The following FLRT1 variants were observed in gnomAD, a reference collection of about 807,000 sequenced individuals.
FLRT1 encodes fibronectin leucine rich transmembrane protein 1.
A neutral mutation model predicts 30.9 loss-of-function variants in FLRT1; 14 were observed. That is an observed-to-expected ratio of 0.45 (90% CI 0.30 to 0.71). The LOEUF is 0.71. Ranked by LOEUF, FLRT1 falls within the 30% of genes least tolerant of loss-of-function variation. The pLI is 0.08. For missense variants in FLRT1, 737 were observed against 949.2 expected (o/e 0.78, Z 2.94); for synonymous variants, 368 against 430.4 (o/e 0.85, Z 1.80).
chr11:64,083,806 C>G (rs1383685491), intron 1 of FLRT1, among the ~76,000 whole-genome samples: 1 of 152,154 alleles, frequency 6.6e-6, no homozygotes, highest in Non-Finnish European at 1.5e-5. Context: ...GGTGAGTCAG[C>G]AGGGGTTGGC....
chr11:64,094,467 A>G (rs2134534914), intron 1 of FLRT1, among the ~76,000 whole-genome samples: 1 of 151,910 alleles, frequency 6.6e-6, no homozygotes, highest in East Asian at 1.9e-4. Flanking sequence ...AAAGTTAAGC[A>G]GGCTGGGGAC....
At chr11:64,073,188 G>T (rs1317436287) in intron 1 of FLRT1, among the ~76,000 whole-genome samples, 1 of 152,240 alleles carries the variant, frequency 6.6e-6, no homozygotes, top group Non-Finnish European at 1.5e-5. Flanking sequence ...AGGGCTGCCT[G>T]CTTCTGCCTA....
chr11:64,092,010 T>TC lies in FLRT1; in HGVS notation c.-1037-11180dup, dbSNP rs1272444507. Among the ~76,000 whole-genome samples, 3 of 152,232 alleles carry TC rather than the reference T, an allele frequency of 2.0e-5. No homozygotes were observed. In the East Asian group the frequency reaches 5.8e-4, roughly 29 times the overall value. Reference sequence around the variant, plus strand: ...GGACAGCGGGGCTGCCGGCCCTCTATCCCCACGTGATCTCAGCTCCTGAGG... The same window carrying TC: ...GGACAGCGGGGCTGCCGGCCCTCTATCCCCCACGTGATCTCAGCTCCTGAGG... On this transcript the variant is annotated intron_variant, in intron 1 of 2. Coordinates refer to ENST00000682287, the MANE Select transcript of FLRT1 (RefSeq NM_013280.5).
chr11:64,064,843 CTCATTCAT>C lies in FLRT1; in HGVS notation c.-1038+28710_-1038+28717del, dbSNP rs71045731. Among the ~76,000 whole-genome samples the C allele has an allele frequency of 1.2e-3, 185 of 150,446 alleles. No homozygotes were observed. The highest frequency in any genetic ancestry group is 6.3e-3 in the Admixed American group (95 of 15,114). On this transcript the variant is annotated intron_variant, in intron 1 of 2. Coordinates refer to ENST00000682287, the MANE Select transcript of FLRT1 (RefSeq NM_013280.5). This position sits in a 1 kb window ranked among gnomAD's most constrained non-coding sequence, Gnocchi z 4.5. ...CAAGAGGCTAGAGTTTCACAAGGAC[CTCATTCAT>C]TCATTCATTCATTCATTCATTCATT...
chr11:64,118,058 G>A lies in FLRT1; in HGVS notation c.1791G>A (p.Lys597=), dbSNP rs779193903. The A allele has an allele frequency of 8.1e-6, 13 of 1,613,530 alleles. No individual in the cohort carries two copies. Among genetic ancestry groups the A allele is most frequent in the Admixed American group, 1.7e-5 (1 of 60,012 alleles). ...ERAYNRGSRK[K]DDYMESGTKK... ...CCTACAACCGGGGCAGCAGGAAAAAGGATGACTATATGGAGTCAGGGACCA... is the reference window on the plus strand; with the variant it reads ...CCTACAACCGGGGCAGCAGGAAAAAAGATGACTATATGGAGTCAGGGACCA... Residue 597 remains lysine, a synonymous_variant, in exon 3 of 3, where the codon AAG becomes AAA. Coordinates refer to ENST00000682287, the MANE Select transcript of FLRT1 (RefSeq NM_013280.5).
rs556164889 is a variant in FLRT1 at position 64,067,365 on chromosome 11, C to A, written c.-1038+31206C>A. On this transcript the variant is annotated intron_variant, in intron 1 of 2. Coordinates refer to ENST00000682287, the MANE Select transcript of FLRT1 (RefSeq NM_013280.5). This position sits in a 1 kb window ranked among gnomAD's most constrained non-coding sequence, Gnocchi z 4.6. The stretch of plus-strand genomic sequence containing the variant: ...GGGAATCCATTATCGGGCAAAATAG[C>A]AGCTGCTGACGTGAAAATGAAATAT... 8.5e-5 allele frequency among the ~76,000 whole-genome samples: 13 copies of A among 152,302 alleles called. No homozygotes were observed. In the South Asian group the frequency reaches 2.7e-3, roughly 32 times the overall value.
chr11:64,054,545 G>A (rs1241124906), intron 1 of FLRT1, among the ~76,000 whole-genome samples: 1 of 152,108 alleles, frequency 6.6e-6, no homozygotes, highest in Non-Finnish European at 1.5e-5. Context: ...CTGATGGGGT[G>A]CAGAGTGGCA....
intron 2 of FLRT1, among the ~76,000 whole-genome samples, chr11:64,109,055 C>G (rs564814765): frequency 6.6e-6 from 1 of 152,158 alleles, no homozygotes; most frequent in Non-Finnish European, 1.5e-5. Context: ...ACATGCAGGA[C>G]ACTTCCTCTC....
intron 1 of FLRT1, among the ~76,000 whole-genome samples, chr11:64,077,331 G>C (rs988455037): frequency 2.0e-5 from 3 of 152,320 alleles, no homozygotes; most frequent in African/African-American, 7.2e-5. Context: ...ATCTCTCAGG[G>C]GCTGTGCTTC....
rs557186525 is a variant in FLRT1, at chr11:64,061,492, C to T, written c.-1038+25333C>T. Among the ~76,000 whole-genome samples the T allele has an allele frequency of 2.6e-5, 4 of 152,288 alleles. No homozygotes were observed. In the South Asian group the frequency reaches 8.3e-4, roughly 32 times the overall value. The stretch of plus-strand genomic sequence containing the variant: ...AGTCCCCTGCCTCTGACCCCGCAGT[C>T]CCCAGGCAGCTCCTCCCCGGCTCTG... On this transcript the variant is annotated intron_variant, in intron 1 of 2. Transcript: ENST00000682287.
chr11:64,097,648 AG>A (rs1381069347), intron 1 of FLRT1, among the ~76,000 whole-genome samples: 1 of 152,212 alleles, frequency 6.6e-6, no homozygotes, highest in Non-Finnish European at 1.5e-5. Context: ...GGAGGCTGGG[AG>A]GGTTCGCACC....
intron 1 of FLRT1, among the ~76,000 whole-genome samples, chr11:64,046,405 CCT>C (rs1353810858): frequency 6.6e-6 from 1 of 152,130 alleles, no homozygotes; most frequent in Non-Finnish European, 1.5e-5. Context: ...CAAAGTGTCC[CCT>C]GTGCTGGGGT....
rs533890915 is a variant in FLRT1, at chr11:64,046,742, G to A, written c.-1038+10583G>A. Among the ~76,000 whole-genome samples the A allele has an allele frequency of 7.9e-5, 12 of 152,030 alleles. No individual in the cohort carries two copies. In the South Asian group the frequency reaches 1.9e-3, roughly 24 times the overall value. On this transcript the variant is annotated intron_variant, in intron 1 of 2. Transcript: ENST00000682287. ...TTGAACTCCTGACCTTGAGTAATCC[G>A]CCTGCCTCAACGTCCCAAAGTGCTG...
chr11:64,057,526 C>T (rs1238641366), intron 1 of FLRT1, among the ~76,000 whole-genome samples: 2 of 152,238 alleles, frequency 1.3e-5, no homozygotes, highest in Non-Finnish European at 2.9e-5. Flanking sequence ...CTCTCCAGGC[C>T]AAACAGCTGC....
In FLRT1 at chr11:64,047,423, G is replaced by A. The variant is rs72916401; in HGVS notation, c.-1038+11264G>A. Among the ~76,000 whole-genome samples, 1,176 of 152,264 alleles carry A rather than the reference G, an allele frequency of 7.7e-3. 9 individuals carry two copies. Among genetic ancestry groups the A allele is most frequent in the Non-Finnish European group, 0.012 (846 of 68,022 alleles). The stretch of plus-strand genomic sequence containing the variant: ...AGATAAAGCCAGGTCCATGCCATGG[G>A]GTCCCTGTCCTGTTCCGTTTCACCC... On this transcript the variant is annotated intron_variant, in intron 1 of 2. Coordinates refer to ENST00000682287, the MANE Select transcript of FLRT1 (RefSeq NM_013280.5).
Position 64,117,833 on chromosome 11 carries a change from C to T in FLRT1, c.1566C>T (p.Pro522=), listed in dbSNP as rs3824854. ...ATGCCTACGTAGCTGATGAGACACC[C>T]GTGTGTGCCAAGGCAGAGACAGCCG... ...TSNAYVADET[P]VCAKAETADS... Residue 522 remains proline, a synonymous_variant, in exon 3 of 3, where the codon CCC becomes CCT. Coordinates refer to ENST00000682287, the MANE Select transcript of FLRT1 (RefSeq NM_013280.5). 0.17 allele frequency: 274,549 copies of T among 1,614,046 alleles called. 24,741 individuals are homozygous for T. The highest frequency in any genetic ancestry group is 0.29 in the Admixed American group (17,693 of 60,010).
rs1943382629 is a variant in FLRT1 at position 64,036,467 on chromosome 11, T to C, written c.-1038+308T>C. Among the ~76,000 whole-genome samples the C allele has an allele frequency of 6.6e-6, 1 of 151,240 alleles. No individual in the cohort carries two copies. The highest frequency in any genetic ancestry group is 2.4e-5 in the African/African-American group (1 of 41,158). ...AAGGGCGGGGGCTCAGCTGGAGCTC[T>C]AGTCCAAGCCCTCGCTGCACCCCCC... is the stretch of plus-strand genomic sequence containing the variant. On this transcript the variant is annotated intron_variant, in intron 1 of 2. Coordinates refer to ENST00000682287, the MANE Select transcript of FLRT1 (RefSeq NM_013280.5). This position sits in a 1 kb window ranked among gnomAD's most constrained non-coding sequence, Gnocchi z 5.6.
intron 2 of FLRT1, among the ~76,000 whole-genome samples, chr11:64,115,663 C>T (rs1944964201): frequency 2.0e-5 from 3 of 152,176 alleles, no homozygotes; most frequent in Admixed American, 6.5e-5. Context: ...CAGGTTCTGG[C>T]GACGCCCCCC....
intron 1 of FLRT1, among the ~76,000 whole-genome samples, chr11:64,089,991 C>G (rs1255503404): frequency 2.6e-5 from 4 of 152,198 alleles, no homozygotes; most frequent in Non-Finnish European, 4.4e-5. Context: ...ATTGTTTCAG[C>G]ACTTATGACA....
Sources: allele counts gnomAD v4.1 joint callset (sites outside exome capture counted in the v4.1 genomes callset), GRCh38; gene constraint gnomAD v4.1.1; non-coding constraint Gnocchi (gnomAD v3.1); transcripts MANE v1.5; gene names NCBI Gene and HGNC (gene_info 2026-07-23, HGNC 2026-07-21).